The following CFAP298 variants were observed in gnomAD, a reference collection of about 807,000 sequenced individuals.
CFAP298 encodes the protein cilia- and flagella-associated protein 298.
CFAP298 carries 38 observed loss-of-function variants against 41.0 expected under a neutral mutation model. The observed-to-expected ratio is 0.93, with a 90% CI of 0.72 to 1.22. CFAP298 has a LOEUF of 1.22. Among genes scored for constraint, CFAP298 ranks in the 50% most tolerant of loss-of-function variants. The pLI, the probability that CFAP298 is intolerant of heterozygous loss-of-function variation, is 0.00. For missense variants in CFAP298, 348 were observed against 360.3 expected (o/e 0.97, Z 0.28); for synonymous variants, 137 against 135.3 (o/e 1.01, Z -0.09).
chr21:32,603,108 G>C lies in CFAP298; in HGVS notation c.666+53C>G, dbSNP rs767455268. 5 of 1,593,350 alleles carry C rather than the reference G, an allele frequency of 3.1e-6. No homozygotes were observed. The South Asian group carries it at 3.3e-5, about 11-fold the overall frequency. On this transcript the variant is annotated intron_variant, in intron 5 of 6. Transcript: ENST00000290155. Reference sequence around the variant, plus strand: ...TCGGATTCACTGTACATTTTTATCAGTTTGAAGGGAAATAACAAAAACTAC... The same window carrying C: ...TCGGATTCACTGTACATTTTTATCACTTTGAAGGGAAATAACAAAAACTAC...
chr21:32,601,805 T>A lies in CFAP298; in HGVS notation c.*58A>T. On this transcript the variant is annotated 3_prime_UTR_variant, in exon 7 of 7. Transcript: ENST00000290155. ...TGGCCTTTTTTTTTTTTTTAAATTA[T>A]AATTGCCTAGGAGAAAGGTGAGCTA... 3 of 842,492 alleles carry A rather than the reference T, an allele frequency of 3.6e-6. No individual in the cohort carries two copies. Among genetic ancestry groups the A allele is most frequent in the Non-Finnish European group, 5.8e-6 (3 of 513,532 alleles). 52.2% of individuals were successfully genotyped at this position (842,492 alleles called of 1,614,324 possible).
chr21:32,608,787 G>A, intron 2 of CFAP298, among the ~76,000 whole-genome samples: 1 of 151,014 alleles, frequency 6.6e-6, no homozygotes, highest in African/African-American at 2.4e-5. Flanking sequence ...TCTTACGTAA[G>A]AAAGCTGTGG....
At chr21:32,607,803 G>T in intron 2 of CFAP298, 87 bp from the exon 3 acceptor site, 1 of 792,724 alleles carries the variant, frequency 1.3e-6, no homozygotes, top group Non-Finnish European at 2.1e-6. Context: ...GTCTGAGTCA[G>T]GGGGTAAATG....
At chr21:32,606,551 G>A (rs926177346) in intron 3 of CFAP298, among the ~76,000 whole-genome samples, 7 of 152,112 alleles carry the variant, frequency 4.6e-5, no homozygotes, top group African/African-American at 1.4e-4. Flanking sequence ...CGCAAACGAC[G>A]GGCTCAACCA....
At chr21:32,606,599 ATT>A (rs1226849878) in intron 3 of CFAP298, among the ~76,000 whole-genome samples, 2 of 152,336 alleles carry the variant, frequency 1.3e-5, no homozygotes, top group East Asian at 3.9e-4. Flanking sequence ...CCTTTCCTAT[ATT>A]AACAGGCACA....
In CFAP298 at chr21:32,602,281, C is replaced by T. The variant is rs754162158; in HGVS notation, c.753G>A (p.Glu251=). The T allele has an allele frequency of 1.2e-6, 2 of 1,614,090 alleles. No homozygotes were observed. The highest frequency in any genetic ancestry group is 1.7e-5 in the Admixed American group (1 of 60,032). Residue 251 remains glutamate (E), a synonymous_variant, in exon 6 of 7, where the codon GAG becomes GAA. Transcript: ENST00000290155. ...ATCTGTCCCCTGCTACCTTGAGCTC[C>T]TCTTGTCTTCTGTGATAGTACAGCA... ...QLMLYYHRRQ[E]ELKRLEENDD...
At chr21:32,602,887 GT>G (rs1568991428) in intron 5 of CFAP298, 2 of 1,356,720 alleles carry the variant, frequency 1.5e-6, no homozygotes, top group African/African-American at 2.9e-5. Context: ...GAACATATCT[GT>G]TTACTTGCAG....
At position 32,609,823 on chromosome 21, in the gene CFAP298, G is replaced by T. The variant is rs1462347126; in HGVS notation, c.307+15C>A. On this transcript the variant is annotated intron_variant, in intron 2 of 6. Transcript: ENST00000290155. ...CTGTATCAAGCATGCACATAGAAGA[G>T]AAATCCTCACTTACCTTGCCCATTC... The T allele has an allele frequency of 1.9e-6, 3 of 1,608,432 alleles. No homozygotes were observed. The highest frequency in any genetic ancestry group is 2.5e-6 in the Non-Finnish European group (3 of 1,176,596).
chr21:32,602,987 T>A (rs952465878), intron 5 of CFAP298, 174 bp downstream of exon 5: 2 of 1,053,474 alleles, frequency 1.9e-6, no homozygotes, highest in African/African-American at 3.2e-5. Flanking sequence ...CAATCCATAT[T>A]TTCTTCCAGT....
chr21:32,604,455 G>A (rs979307370), intron 3 of CFAP298, 172 bp from the exon 4 acceptor site: 30 of 677,142 alleles, frequency 4.4e-5, no homozygotes, highest in African/African-American at 1.3e-4. Flanking sequence ...GAAGCACACC[G>A]TGGCCTGTAT....
rs746334617 is a variant in CFAP298 at position 32,612,272 on chromosome 21, G to C, written c.-29C>G. On this transcript the variant is annotated 5_prime_UTR_variant, in exon 1 of 7. Coordinates refer to ENST00000290155, the MANE Select transcript of CFAP298 (RefSeq NM_021254.4). ...GGTCCCGCCGAGGTACTGAGGCGTT[G>C]AGAAGGCCCCGGCTGCGTGGCCCGC... 54 of 1,454,740 alleles carry C rather than the reference G, an allele frequency of 3.7e-5. No individual in the cohort carries two copies. The South Asian group carries it at 5.3e-4, about 14-fold the overall frequency. The allele number at this position is 1,454,740 out of a possible 1,614,324, so 90.1% of individuals were successfully genotyped here.
At position 32,611,341 on chromosome 21, in the gene CFAP298, T is replaced by A. The variant is rs1215221700; in HGVS notation, c.139+764A>T. 2.0e-4 allele frequency among the ~76,000 whole-genome samples: 24 copies of A among 118,416 alleles called. 1 individual carries two copies. Among genetic ancestry groups the A allele is most frequent in the South Asian group, 1.9e-3 (7 of 3,626 alleles). The allele number at this position is 118,416 out of a possible 152,430, so 77.7% of individuals were successfully genotyped here. ...ACCATATATATATATATATATATAA[T>A]TTATTTATATTTATATATACATATA... On this transcript the variant is annotated intron_variant, in intron 1 of 6. Coordinates refer to ENST00000290155, the MANE Select transcript of CFAP298 (RefSeq NM_021254.4).
chr21:32,604,324 C>T, intron 3 of CFAP298, 41 bp from the exon 4 acceptor site: 1 of 1,609,802 alleles, frequency 6.2e-7, no homozygotes, highest in South Asian at 1.1e-5. Context: ...TGTGGCTAAT[C>T]ACTTCCATAA....
intron 3 of CFAP298, chr21:32,604,611 T>C (rs2146555568): frequency 3.4e-6 from 1 of 291,204 alleles, no homozygotes; most frequent in Middle Eastern, 1.1e-3. Flanking sequence ...CAGGTGGGCC[T>C]CGAAATGCAG....
Position 32,612,117 on chromosome 21 carries a change from G to T in CFAP298, c.127C>A (p.Arg43Ser). The change falls in exon 1 of 7, where the codon CGC becomes AGC. Residue 43 changes from arginine to serine, a missense_variant. Transcript: ENST00000290155. ...RVYNGRLKVQ[R>S]LCSEMEELAE... ...CCGCGAGCCGCACCTGAGCAGAGGC[G>T]CTGCACCTTGAGCCGCCCATTATAG... is the stretch of plus-strand genomic sequence containing the variant. The T allele has an allele frequency of 6.4e-7, 1 of 1,556,148 alleles. No homozygotes were observed. Among genetic ancestry groups the T allele is most frequent in the Non-Finnish European group, 8.7e-7 (1 of 1,150,344 alleles).
At chr21:32,602,739 C>G in intron 5 of CFAP298, 1 of 1,253,802 alleles carries the variant, frequency 8.0e-7, no homozygotes, top group African/African-American at 1.5e-5. Flanking sequence ...ACCCACAAAA[C>G]CAAGGCGGCC....
intron 3 of CFAP298, among the ~76,000 whole-genome samples, chr21:32,606,023 A>T (rs958931389): frequency 2.0e-5 from 3 of 152,212 alleles, no homozygotes; most frequent in African/African-American, 7.2e-5. Flanking sequence ...CCCACTTCAA[A>T]CCTAGAGGTG....
In CFAP298 at chr21:32,612,270, T is replaced by G. The variant is rs112555612; in HGVS notation, c.-27A>C. On this transcript the variant is annotated 5_prime_UTR_variant, in exon 1 of 7. Transcript: ENST00000290155. ...GCGGTCCCGCCGAGGTACTGAGGCG[T>G]TGAGAAGGCCCCGGCTGCGTGGCCC... 1,709 of 1,455,714 alleles carry G rather than the reference T, an allele frequency of 1.2e-3. 11 individuals carry two copies. In the African/African-American group the frequency reaches 0.016, roughly 13 times the overall value. 90.2% of individuals were successfully genotyped at this position (1,455,714 alleles called of 1,614,324 possible). A position where few individuals can be genotyped will look rare whatever the true frequency, so the allele number is the denominator to read the frequency against.
Position 32,612,098 on chromosome 21 carries a change from G to C in CFAP298, c.139+7C>G. The C allele has an allele frequency of 6.5e-7, 1 of 1,547,830 alleles. No homozygotes were observed. The highest frequency in any genetic ancestry group is 1.2e-5 in the South Asian group (1 of 83,566). On this transcript the variant is annotated splice_region_variant and intron_variant, in intron 1 of 6. Transcript: ENST00000290155. ...CTGTCCGGGATGGGCCCACCCGCGA[G>C]CCGCACCTGAGCAGAGGCGCTGCAC...
Sources: gnomAD v4.1 joint callset for allele counts (sites outside exome capture counted in the v4.1 genomes callset) on GRCh38, gnomAD v4.1.1 for gene constraint, MANE v1.5 for transcripts, NCBI Gene and HGNC (gene_info 2026-07-23, HGNC 2026-07-21) for gene names.